Variants in MAGI2 observed in about 807,000 individuals in gnomAD.
MAGI2 encodes membrane-associated guanylate kinase, WW and PDZ domain-containing protein 2.
In MAGI2, 35 loss-of-function variants were observed where a neutral mutation model predicts 133.3. That is an observed-to-expected ratio of 0.26 (90% CI 0.20 to 0.35). The LOEUF (loss-of-function observed/expected upper bound fraction) is 0.35, where lower values mean the gene tolerates loss of function less well. Among genes scored for constraint, MAGI2 ranks in the 10% least tolerant of loss-of-function variants. The pLI, the probability that MAGI2 is intolerant of heterozygous loss-of-function variation, is 1.00. For synonymous variants in MAGI2, 729 were observed against 710.6 expected, an observed-to-expected ratio of 1.03 and a Z score of -0.41; for missense variants, 1,636 against 1,863.4, an observed-to-expected ratio of 0.88 and a Z score of 2.25.
chr7:78,882,581 T>C (rs1170306118), intron 2 of MAGI2, among the ~76,000 whole-genome samples: 1 of 152,008 alleles, frequency 6.6e-6, no homozygotes, highest in East Asian at 1.9e-4. Flanking sequence ...TATAGGACAA[T>C]ATTCCTAAAG....
chr7:78,624,971 A>G (rs909390943), intron 3 of MAGI2, among the ~76,000 whole-genome samples: 2 of 152,110 alleles, frequency 1.3e-5, no homozygotes, highest in Non-Finnish European at 2.9e-5. Context: ...GAGGTATTCC[A>G]GAAGAAGGCT....
chr7:79,018,447 T>G (rs1808957157), intron 1 of MAGI2, among the ~76,000 whole-genome samples: 1 of 152,110 alleles, frequency 6.6e-6, no homozygotes, highest in Admixed American at 6.6e-5. Context: ...AAAAGCACAT[T>G]TAAGTACATA....
At chr7:79,274,012 T>TCAA (rs1815838716) in intron 1 of MAGI2, among the ~76,000 whole-genome samples, 1 of 152,088 alleles carries the variant, frequency 6.6e-6, no homozygotes, top group African/African-American at 2.4e-5. Context: ...TGGGGTGCCA[T>TCAA]GGTTCTCAGC....
chr7:78,554,229 A>G (rs1280408184), intron 3 of MAGI2, among the ~76,000 whole-genome samples: 2 of 152,188 alleles, frequency 1.3e-5, no homozygotes, highest in African/African-American at 4.8e-5. Context: ...GATTACACAC[A>G]GCAAAGCTGT....
At chr7:79,182,632 C>T (rs965060327) in intron 1 of MAGI2, among the ~76,000 whole-genome samples, 1 of 151,854 alleles carries the variant, frequency 6.6e-6, no homozygotes, top group African/African-American at 2.4e-5. Context: ...ATGAAGATTT[C>T]TCAAAGAACT....
rs962491022 is a variant in MAGI2, at chr7:78,093,651, A to G, written c.3568-14566T>C. ...CTTGCTGCTATTTAAGAGTTTCATA[A>G]TTGGTTTGAAACAGATAGCTAAAGT... On this transcript the variant is annotated intron_variant, in intron 20 of 21. Coordinates refer to ENST00000354212, the MANE Select transcript of MAGI2 (RefSeq NM_012301.4). 5.3e-5 allele frequency among the ~76,000 whole-genome samples: 8 copies of G among 152,218 alleles called. No individual in the cohort carries two copies. In the South Asian group the frequency reaches 1.4e-3, roughly 28 times the overall value.
At chr7:78,210,267 T>C (rs981620696) in intron 10 of MAGI2, among the ~76,000 whole-genome samples, 2 of 152,194 alleles carry the variant, frequency 1.3e-5, no homozygotes, top group Non-Finnish European at 2.9e-5. Flanking sequence ...GATACTTCAG[T>C]AGACCTAATT....
intron 2 of MAGI2, among the ~76,000 whole-genome samples, chr7:78,688,423 C>T (rs1345408286): frequency 6.6e-6 from 1 of 152,100 alleles, no homozygotes; most frequent in Non-Finnish European, 1.5e-5. Flanking sequence ...TTAGTTCTGG[C>T]AGGCTTAACA....
chr7:78,776,697 G>C (rs1313542572), intron 2 of MAGI2, among the ~76,000 whole-genome samples: 1 of 151,776 alleles, frequency 6.6e-6, no homozygotes, highest in Non-Finnish European at 1.5e-5. Context: ...ATAGGGTATT[G>C]TGCTCATGTA....
At position 79,147,978 on chromosome 7, in the gene MAGI2, A is replaced by G. The variant is rs533897960; in HGVS notation, c.302-140772T>C. On this transcript the variant is annotated intron_variant, in intron 1 of 21. Coordinates refer to ENST00000354212, the MANE Select transcript of MAGI2 (RefSeq NM_012301.4). ...GAAACATTGGCTTGCTTGCTACTGT[A>G]CATAGATAAAGGGTTTCTAGTTGAG... 2.0e-5 allele frequency among the ~76,000 whole-genome samples: 3 copies of G among 152,150 alleles called. No individual in the cohort carries two copies. The South Asian group carries it at 6.2e-4, about 32-fold the overall frequency.
intron 1 of MAGI2, among the ~76,000 whole-genome samples, chr7:79,263,725 AAAAT>A (rs1834239372): frequency 6.6e-6 from 1 of 152,182 alleles, no homozygotes; most frequent in Admixed American, 6.6e-5. Flanking sequence ...CTGCCCAAGA[AAAAT>A]ATATGCTGCT....
At chr7:79,294,195 A>T (rs983069466) in intron 1 of MAGI2, among the ~76,000 whole-genome samples, 6 of 150,192 alleles carry the variant, frequency 4.0e-5, no homozygotes, top group African/African-American at 9.8e-5. Flanking sequence ...AAAAAAAAAA[A>T]GGAAAAAGAA....
chr7:79,395,163 C>T (rs760057964), intron 1 of MAGI2, among the ~76,000 whole-genome samples: 1 of 152,048 alleles, frequency 6.6e-6, no homozygotes, highest in East Asian at 1.9e-4. Context: ...GAGGAAAGGC[C>T]AATTAGAAAA....
At chr7:78,378,860 T>C (rs1286942609) in intron 6 of MAGI2, among the ~76,000 whole-genome samples, 4 of 151,988 alleles carry the variant, frequency 2.6e-5, no homozygotes, top group South Asian at 2.1e-4. Context: ...ATGTCTTATA[T>C]TGAGACAATA....
At chr7:78,924,325 G>C (rs1251481420) in intron 2 of MAGI2, among the ~76,000 whole-genome samples, 1 of 152,146 alleles carries the variant, frequency 6.6e-6, no homozygotes, top group Non-Finnish European at 1.5e-5. Context: ...GATATTGGCT[G>C]TGGGTTTCTC....
intron 2 of MAGI2, among the ~76,000 whole-genome samples, chr7:78,748,945 A>G (rs1823195557): frequency 6.6e-6 from 1 of 152,244 alleles, no homozygotes; most frequent in Admixed American, 6.5e-5. Context: ...TTCAACACAT[A>G]TTTGTCAAGC....
intron 21 of MAGI2, among the ~76,000 whole-genome samples, chr7:78,032,014 T>C (rs929511491): frequency 5.3e-5 from 8 of 150,506 alleles, no homozygotes; most frequent in African/African-American, 2.0e-4. Context: ...CCCCACTTTT[T>C]TTTTTTTTTT....
At chr7:78,105,861 A>G (rs1818629565) in intron 20 of MAGI2, among the ~76,000 whole-genome samples, 1 of 152,152 alleles carries the variant, frequency 6.6e-6, no homozygotes, top group Admixed American at 6.5e-5. Context: ...TTTGTATCAG[A>G]AACATTTCAA....
At chr7:78,858,935 T>A (rs1213760778) in intron 2 of MAGI2, among the ~76,000 whole-genome samples, 2 of 152,178 alleles carry the variant, frequency 1.3e-5, no homozygotes, top group African/African-American at 4.8e-5. Context: ...ATTGGGTGCA[T>A]ATATATTTAG....
Sources: allele counts gnomAD v4.1 joint callset (sites outside exome capture counted in the v4.1 genomes callset), GRCh38; gene constraint gnomAD v4.1.1; transcripts MANE v1.5; gene names NCBI Gene and HGNC (gene_info 2026-07-23, HGNC 2026-07-21).